Variants in FGGY observed in about 807,000 individuals in gnomAD.
FGGY encodes the protein FGGY carbohydrate kinase domain containing.
Under a neutral mutation model 71.3 loss-of-function variants are expected in FGGY, and 72 were observed. That is an observed-to-expected ratio of 1.01 (90% CI 0.84 to 1.23). The LOEUF (loss-of-function observed/expected upper bound fraction) is 1.23. Ranked by LOEUF, FGGY falls within the 50% of genes most tolerant of loss-of-function variation. The pLI is 0.00. For synonymous variants in FGGY, 251 were observed against 250.3 expected, an observed-to-expected ratio of 1.00 and a Z score of -0.02; for missense variants, 668 against 682.3, an observed-to-expected ratio of 0.98 and a Z score of 0.23.
intron 11 of FGGY, chr1:59,641,334 T>G: frequency 6.2e-7 from 1 of 1,602,542 alleles, no homozygotes; most frequent in South Asian, 1.1e-5. Flanking sequence ...CTCTCCCAGT[T>G]CTCTACTCTC....
At chr1:59,752,227 C>T (rs1205289967) in intron 14 of FGGY, among the ~76,000 whole-genome samples, 2 of 152,374 alleles carry the variant, frequency 1.3e-5, no homozygotes, top group East Asian at 3.9e-4. Context: ...ATGGATGCCA[C>T]TTAAGAAACA....
In FGGY at chr1:59,580,289, T is replaced by C. The variant is rs549485138; in HGVS notation, c.903+26062T>C. Among the ~76,000 whole-genome samples, 12 of 152,250 alleles carry C rather than the reference T, an allele frequency of 7.9e-5. No homozygotes were observed. The South Asian group carries it at 2.1e-3, about 26-fold the overall frequency. Reference sequence around the variant, plus strand: ...CCCCTTCAAAGTGCCTTGCATGTAATAGACTCTCACAAATAGTTCTCAAAT... The same window carrying C: ...CCCCTTCAAAGTGCCTTGCATGTAACAGACTCTCACAAATAGTTCTCAAAT... On this transcript the variant is annotated intron_variant, in intron 8 of 15. Transcript: ENST00000303721.
intron 6 of FGGY, among the ~76,000 whole-genome samples, chr1:59,494,494 G>A (rs2093973364): frequency 1.3e-5 from 2 of 152,186 alleles, no homozygotes; most frequent in South Asian, 4.1e-4. Flanking sequence ...AAGTGATGGG[G>A]TAAGAGGTGT....
intron 11 of FGGY, among the ~76,000 whole-genome samples, chr1:59,648,631 T>C (rs1358408101): frequency 6.7e-6 from 1 of 150,280 alleles, no homozygotes; most frequent in Non-Finnish European, 1.5e-5. Context: ...TTGAGTTCAT[T>C]GTAGATTCTG....
chr1:59,347,530 G>T (rs2052325350), intron 4 of FGGY, among the ~76,000 whole-genome samples: 1 of 152,028 alleles, frequency 6.6e-6, no homozygotes, highest in South Asian at 2.1e-4. Flanking sequence ...CCAAGTCTTT[G>T]CTGTTGTGAA....
intron 6 of FGGY, among the ~76,000 whole-genome samples, chr1:59,488,593 A>C (rs1275420337): frequency 6.7e-6 from 1 of 149,074 alleles, no homozygotes; most frequent in Admixed American, 6.7e-5. Flanking sequence ...TACTGTATTG[A>C]TATATTCATA....
At chr1:59,340,153 C>T (rs1411205172) in intron 3 of FGGY, 84 bp downstream of exon 3, 11 of 856,828 alleles carry the variant, frequency 1.3e-5, no homozygotes, top group Admixed American at 8.1e-5. Flanking sequence ...GGAGGGCAGG[C>T]GTCTCTTGCT....
chr1:59,690,866 C>T (rs1163013689), intron 14 of FGGY, among the ~76,000 whole-genome samples: 1 of 152,242 alleles, frequency 6.6e-6, no homozygotes, highest in Non-Finnish European at 1.5e-5. Flanking sequence ...TACTTGTGCA[C>T]ATTAGCTGTG....
At chr1:59,438,976 C>T (rs2069138334) in intron 5 of FGGY, among the ~76,000 whole-genome samples, 1 of 152,098 alleles carries the variant, frequency 6.6e-6, no homozygotes, top group African/African-American at 2.4e-5. Flanking sequence ...ATAATATTTA[C>T]TATCTCATGA....
At chr1:59,667,127 G>C (rs1572894306) in intron 12 of FGGY, among the ~76,000 whole-genome samples, 156 bp from the exon 13 acceptor site, 1 of 152,344 alleles carries the variant, frequency 6.6e-6, no homozygotes, top group Non-Finnish European at 1.5e-5. Context: ...GTAACTGTGT[G>C]ATCATAGACA....
At chr1:59,667,885 G>T (rs1457028465) in intron 13 of FGGY, among the ~76,000 whole-genome samples, 1 of 152,180 alleles carries the variant, frequency 6.6e-6, no homozygotes, top group Non-Finnish European at 1.5e-5. Context: ...ACATAGTGGG[G>T]CACCTTGTCT....
At chr1:59,757,557 C>A (rs190722177) in intron 14 of FGGY, among the ~76,000 whole-genome samples, 8 of 152,094 alleles carry the variant, frequency 5.3e-5, no homozygotes, top group African/African-American at 1.9e-4. Context: ...ATGTACTCAG[C>A]GGCTGGTTAT....
At chr1:59,545,841 G>A (rs2095511924) in intron 7 of FGGY, among the ~76,000 whole-genome samples, 1 of 152,238 alleles carries the variant, frequency 6.6e-6, no homozygotes, top group African/African-American at 2.4e-5. Flanking sequence ...GGTGCTACAT[G>A]TAATTGTGGC....
chr1:59,366,315 G>C (rs967140908), intron 4 of FGGY, among the ~76,000 whole-genome samples: 1 of 152,014 alleles, frequency 6.6e-6, no homozygotes, highest in Admixed American at 6.6e-5. Context: ...ATCTAATGGG[G>C]GTAATGCGTC....
intron 9 of FGGY, among the ~76,000 whole-genome samples, chr1:59,618,375 G>A (rs905130490): frequency 1.3e-5 from 2 of 152,050 alleles, no homozygotes; most frequent in African/African-American, 4.8e-5. Context: ...GAATGTCAAG[G>A]TAATCTGATC....
chr1:59,353,589 T>C (rs2053707398), intron 4 of FGGY, among the ~76,000 whole-genome samples: 1 of 152,216 alleles, frequency 6.6e-6, no homozygotes, highest in South Asian at 2.1e-4. Flanking sequence ...ATTAACTTAC[T>C]TGAGTACCTT....
At chr1:59,533,284 C>T (rs1225808728) in intron 7 of FGGY, among the ~76,000 whole-genome samples, 3 of 152,304 alleles carry the variant, frequency 2.0e-5, no homozygotes, top group East Asian at 1.9e-4. Context: ...CCGAATATTG[C>T]GCTTTTCCGA....
chr1:59,369,800 A>G (rs2057275834), intron 4 of FGGY, among the ~76,000 whole-genome samples: 1 of 152,268 alleles, frequency 6.6e-6, no homozygotes, highest in Non-Finnish European at 1.5e-5. Context: ...ACCCAGGCAA[A>G]CAGGGTCTGG....
At chr1:59,645,323 T>C (rs1301509309) in intron 11 of FGGY, among the ~76,000 whole-genome samples, 6 of 152,156 alleles carry the variant, frequency 3.9e-5, no homozygotes, top group Non-Finnish European at 8.8e-5. Flanking sequence ...AGCTCCTGCT[T>C]GGTGGCCTTT....
Sources: gnomAD v4.1 joint callset for allele counts (sites outside exome capture counted in the v4.1 genomes callset) on GRCh38, gnomAD v4.1.1 for gene constraint, MANE v1.5 for transcripts, NCBI Gene and HGNC (gene_info 2026-07-23, HGNC 2026-07-21) for gene names.